Variants in FGF10 observed in about 807,000 individuals in gnomAD.
FGF10 encodes fibroblast growth factor 10, also known as FGF-10.
Under a neutral mutation model 19.8 loss-of-function variants are expected in FGF10, and 2 were observed. That is an observed-to-expected ratio of 0.10 (90% CI 0.04 to 0.32). FGF10 has a LOEUF of 0.32. FGF10 is among the 10% of genes least tolerant of loss of function. The pLI is 1.00. For missense variants in FGF10, 191 were observed against 246.3 expected (o/e 0.78, Z 1.50); for synonymous variants, 112 against 94.0 (o/e 1.19, Z -1.10).
At chr5:44,350,683 A>G (rs1242745261) in intron 1 of FGF10, among the ~76,000 whole-genome samples, 1 of 151,140 alleles carries the variant, frequency 6.6e-6, no homozygotes, top group African/African-American at 2.4e-5. Context: ...CCAATTTAAA[A>G]TGATGTATCA....
intron 1 of FGF10, among the ~76,000 whole-genome samples, chr5:44,352,330 A>G (rs1315419568): frequency 6.6e-6 from 1 of 151,630 alleles, no homozygotes; most frequent in Non-Finnish European, 1.5e-5. Context: ...GAGGGAACTC[A>G]TGCCTGGCCC....
At chr5:44,331,808 G>T (rs1388070203) in intron 1 of FGF10, among the ~76,000 whole-genome samples, 1 of 152,074 alleles carries the variant, frequency 6.6e-6, no homozygotes. Context: ...ATCATCGAGA[G>T]CAGAAATCAT....
intron 1 of FGF10, among the ~76,000 whole-genome samples, chr5:44,338,171 T>G (rs1740894638): frequency 6.6e-6 from 1 of 152,160 alleles, no homozygotes; most frequent in South Asian, 2.1e-4. Flanking sequence ...CACAATTCTA[T>G]AAAAGCTACC....
At chr5:44,371,667 G>T (rs1001066920) in intron 1 of FGF10, among the ~76,000 whole-genome samples, 1 of 152,088 alleles carries the variant, frequency 6.6e-6, no homozygotes, top group Admixed American at 6.6e-5. Context: ...CTTTGCTTTT[G>T]TAGTGCCTAG....
intron 1 of FGF10, among the ~76,000 whole-genome samples, chr5:44,350,641 T>G (rs1203120130): frequency 6.6e-6 from 1 of 151,174 alleles, no homozygotes; most frequent in Non-Finnish European, 1.5e-5. Flanking sequence ...GTTTTATATA[T>G]TATTGCTGTG....
intron 1 of FGF10, among the ~76,000 whole-genome samples, chr5:44,386,749 T>C (rs1742106475): frequency 6.6e-6 from 1 of 152,196 alleles, no homozygotes; most frequent in Non-Finnish European, 1.5e-5. Context: ...CCTCTACACG[T>C]ATTTTTATTA....
chr5:44,365,697 AACCTT>A (rs1035376469), intron 1 of FGF10, among the ~76,000 whole-genome samples: 1 of 152,000 alleles, frequency 6.6e-6, no homozygotes, highest in Non-Finnish European at 1.5e-5. Context: ...TGGAAGATCT[AACCTT>A]ACTGCATATT....
At chr5:44,328,937 C>T (rs2111751271) in intron 1 of FGF10, among the ~76,000 whole-genome samples, 1 of 152,198 alleles carries the variant, frequency 6.6e-6, no homozygotes, top group Non-Finnish European at 1.5e-5. Flanking sequence ...TTTGAAGCTG[C>T]AGTGAGCCAC....
intron 1 of FGF10, among the ~76,000 whole-genome samples, chr5:44,312,725 T>C (rs1411800895): frequency 6.6e-6 from 1 of 152,052 alleles, no homozygotes; most frequent in Non-Finnish European, 1.5e-5. Flanking sequence ...GACAAGAAAG[T>C]ACTGTCAGTA....
At position 44,302,322 on chromosome 5, in the gene FGF10, C is replaced by T. The variant is rs55669308; in HGVS notation, c.*2673G>A. On this transcript the variant is annotated 3_prime_UTR_variant, in exon 3 of 3. Coordinates refer to ENST00000264664, the MANE Select transcript of FGF10 (RefSeq NM_004465.2). ...TCCTTCCTTCCTTCCTTCCTTCCTT[C>T]CTTCCTTCCTGTCTTTCTGTCTTTT... Among the ~76,000 whole-genome samples, 228 of 123,470 alleles carry T rather than the reference C, an allele frequency of 1.8e-3. No individual in the cohort carries two copies. Among genetic ancestry groups the T allele is most frequent in the Non-Finnish European group, 3.0e-3 (172 of 57,264 alleles). The allele number at this position is 123,470 out of a possible 152,430, so 81.0% of individuals were successfully genotyped here. A position where few individuals can be genotyped will look rare whatever the true frequency, so the allele number is the denominator to read the frequency against.
At chr5:44,374,952 C>T (rs533467752) in intron 1 of FGF10, among the ~76,000 whole-genome samples, 2 of 152,154 alleles carry the variant, frequency 1.3e-5, no homozygotes, top group South Asian at 4.1e-4. Context: ...GATAGCCCTA[C>T]TAACTTATTT....
At position 44,388,675 on chromosome 5, in the gene FGF10, T is replaced by G; in HGVS notation, c.8A>C (p.Lys3Thr). 1.2e-6 allele frequency: 2 copies of G among 1,614,000 alleles called. No individual in the cohort carries two copies. The highest frequency in any genetic ancestry group is 2.2e-5 in the South Asian group (2 of 91,058). Residue 3 changes from lysine (K) to threonine (T), a missense_variant, in exon 1 of 3, where the codon AAA (lysine) becomes ACA (threonine). By Grantham distance (78) the Lys-to-Thr change is moderately conservative. This residue lies in a region of FGF10 where 92 missense variants were observed against 84.6 expected (regional missense o/e 1.09). Coordinates refer to ENST00000264664, the MANE Select transcript of FGF10 (RefSeq NM_004465.2). Reference sequence around the variant, plus strand: ...TGAGGCACAATGTGTCAGTATCCATTTCCACATTGTACTGAAACTCTCGGC... The same window carrying G: ...TGAGGCACAATGTGTCAGTATCCATGTCCACATTGTACTGAAACTCTCGGC... MW[K>T]WILTHCASAF...
rs532081854 is a variant in FGF10, at chr5:44,388,143, G to T, written c.325+215C>A. Among the ~76,000 whole-genome samples the T allele has an allele frequency of 4.9e-4, 74 of 151,882 alleles. 1 individual carries two copies. The highest frequency in any genetic ancestry group is 1.3e-3 in the Admixed American group (20 of 15,262). ...GGTGGGTAGAGCGGCAAGGGGTGGG[G>T]GATGTGAAGGGAGCGCGCTTAGGGG... On this transcript the variant is annotated intron_variant, in intron 1 of 2. Transcript: ENST00000264664.
chr5:44,351,549 G>A (rs10056347), intron 1 of FGF10, among the ~76,000 whole-genome samples: 18,113 of 151,486 alleles, frequency 0.12, 2,661 homozygotes, highest in African/African-American at 0.34. Flanking sequence ...CAAAAATACC[G>A]TTTAATTAAA....
intron 2 of FGF10, 84 bp downstream of exon 2, chr5:44,310,343 G>T: frequency 3.5e-6 from 3 of 867,726 alleles, no homozygotes; most frequent in South Asian, 1.4e-5. Flanking sequence ...GGATAACAAA[G>T]CTATTCGGTG....
rs1204869477 is a variant in FGF10 at position 44,354,467 on chromosome 5, T to C, written c.325+33891A>G. 2.0e-5 allele frequency among the ~76,000 whole-genome samples: 3 copies of C among 151,552 alleles called. No individual in the cohort carries two copies. The East Asian group carries it at 5.8e-4, about 30-fold the overall frequency. On this transcript the variant is annotated intron_variant, in intron 1 of 2. Transcript: ENST00000264664. Reference sequence around the variant, plus strand: ...TACTAAAGGACAGTTATGTGGGCTTTTTTAGGTCAAATAATCAACTTACTC... The same window carrying C: ...TACTAAAGGACAGTTATGTGGGCTTCTTTAGGTCAAATAATCAACTTACTC...
rs1176665078 is a variant in FGF10, at chr5:44,344,574, G to C, written c.326-34044C>G. Among the ~76,000 whole-genome samples, 4 of 142,656 alleles carry C rather than the reference G, an allele frequency of 2.8e-5. No individual in the cohort carries two copies. The East Asian group carries it at 6.0e-4, about 21-fold the overall frequency. The allele number at this position is 142,656 out of a possible 152,430, so 93.6% of individuals were successfully genotyped here. ...TTTTACTGTTTTGTTTTCTCTGTGTGTGTGTGTGTGTGTGTGTGTGTGTGT... is the reference window on the plus strand; with the variant it reads ...TTTTACTGTTTTGTTTTCTCTGTGTCTGTGTGTGTGTGTGTGTGTGTGTGT... On this transcript the variant is annotated intron_variant, in intron 1 of 2. Transcript: ENST00000264664.
At chr5:44,372,034 C>A (rs538553122) in intron 1 of FGF10, among the ~76,000 whole-genome samples, 1 of 151,990 alleles carries the variant, frequency 6.6e-6, no homozygotes, top group African/African-American at 2.4e-5. Context: ...TTTCTAGGGC[C>A]GATATAACAA....
intron 1 of FGF10, among the ~76,000 whole-genome samples, chr5:44,370,325 C>A (rs1741716038): frequency 6.6e-6 from 1 of 152,094 alleles, no homozygotes; most frequent in Non-Finnish European, 1.5e-5. Flanking sequence ...TTTCAGAAAC[C>A]TCCTGGGGAT....
Sources: gnomAD v4.1 joint callset for allele counts (sites outside exome capture counted in the v4.1 genomes callset) on GRCh38, gnomAD v4.1.1 for gene constraint, gnomAD v4.1.1 regional missense constraint, MANE v1.5 for transcripts, NCBI Gene and HGNC (gene_info 2026-07-23, HGNC 2026-07-21) for gene names.